NRK: variants seen among roughly 807,000 people sequenced by gnomAD.
NRK encodes nik-related protein kinase.
A neutral mutation model predicts 125.2 loss-of-function variants in NRK; 67 were observed. The ratio of observed to expected loss-of-function variants is 0.54; its 90% CI spans 0.44 to 0.66. The LOEUF (loss-of-function observed/expected upper bound fraction) is 0.66, where lower values mean the gene tolerates loss of function less well. Among genes scored for constraint, NRK ranks in the 30% least tolerant of loss-of-function variants. The probability of loss-of-function intolerance (pLI) is 0.00; values close to 1 mark genes in which losing one functional copy is unlikely to be tolerated. For missense variants in NRK, 1,224 were observed against 1,192.9 expected (o/e 1.03, Z -0.38); for synonymous variants, 458 against 429.0 (o/e 1.07, Z -0.84).
rs757962506 is a variant in NRK, at chrX:105,949,720, T to C, written c.4499T>C (p.Ile1500Thr). The C allele has an allele frequency of 1.7e-6, 2 of 1,189,860 alleles. No homozygotes were observed. Among genetic ancestry groups the C allele is most frequent in the East Asian group, 3.0e-5 (1 of 33,609 alleles). The change falls in exon 27 of 29, where the codon ATA (isoleucine) becomes ACA (threonine). Residue 1500 changes from isoleucine (I) to threonine (T), a missense_variant. By Grantham distance (89) the Ile-to-Thr change is moderately conservative (BLOSUM62 -1). Coordinates refer to ENST00000243300, the MANE Select transcript of NRK (RefSeq NM_198465.4). ...FKKILEMWKDIPSSIAFECTQ... is the reference protein window; with the variant it reads ...FKKILEMWKDTPSSIAFECTQ... Reference sequence around the variant, plus strand: ...AAGATCCTTGAAATGTGGAAAGACATACCATCTTCTATAGGTATGTATACA... The same window carrying C: ...AAGATCCTTGAAATGTGGAAAGACACACCATCTTCTATAGGTATGTATACA...
intron 18 of NRK, among the ~76,000 whole-genome samples, chrX:105,923,921 ATATATG>A (rs200478137): frequency 0.027 from 2,509 of 91,370 alleles, 118 homozygotes; most frequent in African/African-American, 0.1. Context: ...ATATATATAT[ATATATG>A]TGAAATTTAA....
intron 7 of NRK, among the ~76,000 whole-genome samples, chrX:105,895,871 A>G (rs960284886): frequency 3.6e-4 from 40 of 112,175 alleles, no homozygotes; most frequent in African/African-American, 1.2e-3. Flanking sequence ...TTTCGATGCC[A>G]AGGGAAGGGA....
chrX:105,831,412 T>G (rs2039190521), intron 2 of NRK, among the ~76,000 whole-genome samples: 1 of 112,102 alleles, frequency 8.9e-6, no homozygotes, highest in Non-Finnish European at 1.9e-5. Flanking sequence ...AAATAAGATA[T>G]CACTTGTCTT....
upstream of NRK, among the ~76,000 whole-genome samples, chrX:105,822,094 G>C (rs1390664410): frequency 8.9e-6 from 1 of 112,590 alleles, no homozygotes; most frequent in Non-Finnish European, 1.9e-5. Flanking sequence ...TAAAATCAGA[G>C]GGACAGAAAG....
At chrX:105,898,755 A>G in intron 8 of NRK, 41 bp downstream of exon 8, 2 of 1,054,366 alleles carry the variant, frequency 1.9e-6, no homozygotes, top group Non-Finnish European at 2.5e-6. Flanking sequence ...ACAATTTGGA[A>G]AGGATTTTTG....
At chrX:105,939,498 C>A (rs1433975437) in intron 22 of NRK, among the ~76,000 whole-genome samples, 1 of 111,396 alleles carries the variant, frequency 9.0e-6, no homozygotes, top group Non-Finnish European at 1.9e-5. Flanking sequence ...CGTACACACA[C>A]ACTACCAGGG....
rs996334235 is a variant in NRK, at chrX:105,958,391, T to G, written c.*2791T>G. ...AATGCATTAATTACTAACTGCCCTC[T>G]CCCAAGATTCATTTAGTTCAAACAG... On this transcript the variant is annotated 3_prime_UTR_variant, in exon 29 of 29. Transcript: ENST00000243300. The G allele has an allele frequency of 8.9e-6, 1 of 112,252 alleles. No homozygotes were observed. Among genetic ancestry groups the G allele is most frequent in the African/African-American group, 3.2e-5 (1 of 30,882 alleles). 9.3% of individuals were successfully genotyped at this position (112,252 alleles called of 1,213,427 possible). A position where few individuals can be genotyped will look rare whatever the true frequency, so the allele number is the denominator to read the frequency against.
intron 16 of NRK, 128 bp downstream of exon 16, chrX:105,917,800 A>G (rs977493400): frequency 5.2e-6 from 2 of 382,230 alleles, no homozygotes; most frequent in Admixed American, 9.7e-5. Context: ...CCCAAGTAGG[A>G]TTAGGACCTG....
intron 3 of NRK, among the ~76,000 whole-genome samples, chrX:105,880,599 TA>T (rs571931255): frequency 1.8e-5 from 2 of 111,182 alleles, no homozygotes; most frequent in South Asian, 7.5e-4. Context: ...AATATTGGGT[TA>T]ATCCTGCTGT....
At chrX:105,938,500 T>G (rs2147786642) in intron 22 of NRK, among the ~76,000 whole-genome samples, 1 of 111,815 alleles carries the variant, frequency 8.9e-6, no homozygotes, top group East Asian at 2.8e-4. Context: ...CTTATAATTG[T>G]TTAAGGTACG....
rs757870815 is a variant in NRK, at chrX:105,923,286, A to G, written c.2779A>G (p.Ser927Gly). 27 of 1,198,389 alleles carry G rather than the reference A, an allele frequency of 2.3e-5. No individual in the cohort carries two copies. The highest frequency in any genetic ancestry group is 2.9e-5 in the Non-Finnish European group (26 of 884,365). The stretch of plus-strand genomic sequence containing the variant: ...TGATTATGTTGAACTCTATGATGCC[A>G]GTGCTGATACTGATGGTGATGATGA... ...DGDYVELYDA[S>G]ADTDGDDDDE... Residue 927 changes from serine (S) to glycine (G), a missense_variant, in exon 18 of 29, where the codon AGT (serine) becomes GGT (glycine). Physicochemically the swap from Ser to Gly is moderately conservative, Grantham distance 56. Transcript: ENST00000243300.
At chrX:105,823,635 T>A (rs911199526) in intron 1 of NRK, among the ~76,000 whole-genome samples, 2 of 110,866 alleles carry the variant, frequency 1.8e-5, no homozygotes, top group African/African-American at 6.6e-5. Context: ...ATGCCCAGCT[T>A]CCCTCTAGAG....
Position 105,957,796 on chromosome X carries a change from G to T in NRK, c.*2196G>T. On this transcript the variant is annotated 3_prime_UTR_variant, in exon 29 of 29. Coordinates refer to ENST00000243300, the MANE Select transcript of NRK (RefSeq NM_198465.4). ...GAAAGGACAGAAAATATTTAAAGTG[G>T]CTCATAGGTAATGAATATTTCTGAC... The T allele has an allele frequency of 8.9e-6, 1 of 112,554 alleles. No homozygotes were observed. The highest frequency in any genetic ancestry group is 4.6e-3 in the Middle Eastern group (1 of 216). The allele number at this position is 112,554 out of a possible 1,213,427, so 9.3% of individuals were successfully genotyped here.
chrX:105,946,048 G>T, intron 25 of NRK, 33 bp downstream of exon 25: 1 of 1,180,363 alleles, frequency 8.5e-7, no homozygotes, highest in Non-Finnish European at 1.1e-6. Context: ...ACAGAATGCA[G>T]GGTCATACAA....
chrX:105,947,442 CAAAAAAAAAAAAA>C lies in NRK; in HGVS notation c.4353+987_4353+999del, dbSNP rs753072138. On this transcript the variant is annotated intron_variant, in intron 26 of 28. Coordinates refer to ENST00000243300, the MANE Select transcript of NRK (RefSeq NM_198465.4). ...TGGGCGACAGAGCGAGACTCCGTCTCAAAAAAAAAAAAAAAAAAAAAGAAAGAAATACGGTGCA... is the reference window on the plus strand; with the variant it reads ...TGGGCGACAGAGCGAGACTCCGTCTCAAAAAAAAGAAAGAAATACGGTGCA... 2.7e-3 allele frequency among the ~76,000 whole-genome samples: 48 copies of C among 17,782 alleles called. 8 individuals are homozygous for C. The highest frequency in any genetic ancestry group is 3.6e-3 in the Admixed American group (7 of 1,924). 15.4% of individuals were successfully genotyped at this position (17,782 alleles called of 115,157 possible).
intron 23 of NRK, among the ~76,000 whole-genome samples, chrX:105,941,981 G>A (rs766751420): frequency 9.0e-6 from 1 of 110,956 alleles, no homozygotes; most frequent in East Asian, 2.9e-4. Flanking sequence ...TGGTTACCTA[G>A]GACTTTCTTT....
chrX:105,845,706 T>G (rs1182826652), intron 2 of NRK, among the ~76,000 whole-genome samples: 2 of 111,621 alleles, frequency 1.8e-5, no homozygotes, highest in Non-Finnish European at 3.8e-5. Flanking sequence ...CCTGCTGTGG[T>G]GTGGCAGAGA....
At chrX:105,836,944 C>CA (rs781158561) in intron 2 of NRK, among the ~76,000 whole-genome samples, 31 of 112,112 alleles carry the variant, frequency 2.8e-4, no homozygotes, top group Non-Finnish European at 5.5e-4. Flanking sequence ...TTATTGCCAT[C>CA]ATTATTGTTG....
chrX:105,904,282 A>G (rs1013282502), intron 9 of NRK, among the ~76,000 whole-genome samples: 4 of 112,117 alleles, frequency 3.6e-5, no homozygotes, highest in Non-Finnish European at 7.5e-5. Flanking sequence ...TAAGTGAGAC[A>G]TATTTAAACA....
Sources: gnomAD v4.1 joint callset for allele counts (sites outside exome capture counted in the v4.1 genomes callset) on GRCh38, gnomAD v4.1.1 for gene constraint, MANE v1.5 for transcripts, NCBI Gene and HGNC (gene_info 2026-07-23, HGNC 2026-07-21) for gene names.